Variants in RAPGEF5 observed in about 807,000 individuals in gnomAD.
RAPGEF5 encodes M-Ras-regulated GEF.
In RAPGEF5, 65 loss-of-function variants were observed where a neutral mutation model predicts 125.2. That is an observed-to-expected ratio of 0.52 (90% CI 0.43 to 0.64). The LOEUF (loss-of-function observed/expected upper bound fraction) is 0.64. Ranked by LOEUF, RAPGEF5 falls within the 30% of genes least tolerant of loss-of-function variation. The probability of loss-of-function intolerance (pLI) is 0.00; values close to 1 mark genes in which losing one functional copy is unlikely to be tolerated. For synonymous variants in RAPGEF5, 391 were observed against 385.9 expected (o/e 1.01, Z -0.16); for missense variants, 958 against 1,048.1 (o/e 0.91, Z 1.19).
chr7:22,323,793 A>C (rs1026672548), intron 1 of RAPGEF5, among the ~76,000 whole-genome samples: 1 of 152,220 alleles, frequency 6.6e-6, no homozygotes. Context: ...TAAAATGAAT[A>C]ACCATGAGTC....
At chr7:22,288,916 A>G (rs909614077) in intron 6 of RAPGEF5, among the ~76,000 whole-genome samples, 1 of 152,154 alleles carries the variant, frequency 6.6e-6, no homozygotes, top group Non-Finnish European at 1.5e-5. Context: ...GTTCAAAAAA[A>G]TCTTTCATTT....
chr7:22,322,390 G>A (rs1301671650), intron 1 of RAPGEF5, among the ~76,000 whole-genome samples: 2 of 151,700 alleles, frequency 1.3e-5, no homozygotes, highest in South Asian at 2.1e-4. Flanking sequence ...CAAGCAATCC[G>A]CTCGCCTCAG....
intron 6 of RAPGEF5, among the ~76,000 whole-genome samples, chr7:22,279,902 G>A (rs1358630503): frequency 6.6e-6 from 1 of 152,174 alleles, no homozygotes. Context: ...GGCAGAGAAA[G>A]AGAAAAAAGC....
chr7:22,315,273 T>C (rs1783564102), intron 3 of RAPGEF5, 97 bp downstream of exon 3: 3 of 1,392,962 alleles, frequency 2.2e-6, no homozygotes, highest in South Asian at 1.4e-5. Flanking sequence ...ACTACTGATA[T>C]TGTCCACCTC....
chr7:22,232,314 CTTTT>C (rs5882838), intron 7 of RAPGEF5, among the ~76,000 whole-genome samples: 5 of 139,308 alleles, frequency 3.6e-5, no homozygotes, highest in African/African-American at 5.3e-5. Flanking sequence ...ATTCTGTGTG[CTTTT>C]TTTTTTTTTT....
At chr7:22,345,535 C>G (rs902264295) in intron 1 of RAPGEF5, among the ~76,000 whole-genome samples, 1 of 152,166 alleles carries the variant, frequency 6.6e-6, no homozygotes, top group African/African-American at 2.4e-5. Flanking sequence ...AGACTTTATT[C>G]CAGTTATGAA....
chr7:22,226,402 T>A (rs906165473), intron 8 of RAPGEF5, among the ~76,000 whole-genome samples: 1 of 152,222 alleles, frequency 6.6e-6, no homozygotes, highest in African/African-American at 2.4e-5. Flanking sequence ...ATGCACCTTA[T>A]TTTGAAAACA....
intron 24 of RAPGEF5, among the ~76,000 whole-genome samples, chr7:22,130,193 C>G (rs374535144): frequency 1.3e-5 from 2 of 152,226 alleles, no homozygotes; most frequent in Non-Finnish European, 2.9e-5. Context: ...GGACAGTTTA[C>G]TCTATGACAC....
chr7:22,340,305 A>G (rs1363114771), intron 1 of RAPGEF5, among the ~76,000 whole-genome samples: 1 of 152,204 alleles, frequency 6.6e-6, no homozygotes, highest in Admixed American at 6.5e-5. Flanking sequence ...AGAGGAGAAC[A>G]AGACAACAGG....
chr7:22,319,155 A>T (rs1404207621), intron 1 of RAPGEF5, among the ~76,000 whole-genome samples: 2 of 152,176 alleles, frequency 1.3e-5, no homozygotes, highest in Non-Finnish European at 2.9e-5. Context: ...TTGCAGTATT[A>T]AAAAAAGAAC....
At chr7:22,176,682 C>A (rs1400847214) in intron 11 of RAPGEF5, among the ~76,000 whole-genome samples, 1 of 152,110 alleles carries the variant, frequency 6.6e-6, no homozygotes, top group African/African-American at 2.4e-5. Flanking sequence ...GAGCCCACCA[C>A]CATGCCCGGG....
At chr7:22,247,856 C>T (rs956090694) in intron 7 of RAPGEF5, among the ~76,000 whole-genome samples, 1 of 152,128 alleles carries the variant, frequency 6.6e-6, no homozygotes, top group East Asian at 1.9e-4. Flanking sequence ...CATTATACTA[C>T]GTGAATTAAC....
At chr7:22,150,578 C>T (rs1783596547) in intron 17 of RAPGEF5, 74 bp from the exon 18 acceptor site, 1 of 1,475,354 alleles carries the variant, frequency 6.8e-7, no homozygotes, top group East Asian at 2.5e-5. Flanking sequence ...CTACACAGTA[C>T]ACTTAAAAAG....
chr7:22,197,893 T>TGGTG (rs1554327472), intron 9 of RAPGEF5, among the ~76,000 whole-genome samples: 1 of 116,296 alleles, frequency 8.6e-6, no homozygotes, highest in Non-Finnish European at 1.7e-5. Flanking sequence ...TCTTTTTTTT[T>TGGTG]GGGGGGGGGT....
chr7:22,126,637 G>A (rs1167092513), intron 24 of RAPGEF5, among the ~76,000 whole-genome samples: 4 of 152,086 alleles, frequency 2.6e-5, no homozygotes, highest in African/African-American at 4.8e-5. Context: ...TTTTTGAGAC[G>A]GAGTCTTGCT....
chr7:22,330,631 C>G (rs1783898561), intron 1 of RAPGEF5, among the ~76,000 whole-genome samples: 1 of 152,182 alleles, frequency 6.6e-6, no homozygotes, highest in African/African-American at 2.4e-5. Flanking sequence ...TCTGAATAAT[C>G]AAATCTAACA....
intron 1 of RAPGEF5, among the ~76,000 whole-genome samples, chr7:22,335,916 G>A (rs1391691426): frequency 6.6e-6 from 1 of 152,110 alleles, no homozygotes; most frequent in South Asian, 2.1e-4. Context: ...TTTCTGTATA[G>A]AAAAGACAAC....
rs529909589 is a variant in RAPGEF5 at position 22,125,202 on chromosome 7, G to A, written c.2536+402C>T. ...GCTTTAGGCACTTTTACAAGCTATA[G>A]TCCTATTCCAGGAAGGCTCCACGCA... On this transcript the variant is annotated intron_variant, in intron 25 of 25. Coordinates refer to ENST00000665637, the MANE Select transcript of RAPGEF5 (RefSeq NM_012294.5). 31 of 160,960 alleles carry A rather than the reference G, an allele frequency of 1.9e-4. No homozygotes were observed. In the South Asian group the frequency reaches 5.5e-3, roughly 29 times the overall value. The allele number at this position is 160,960 out of a possible 1,614,324, so 10.0% of individuals were successfully genotyped here.
intron 11 of RAPGEF5, among the ~76,000 whole-genome samples, chr7:22,176,520 T>C (rs533358476): frequency 6.6e-6 from 1 of 152,202 alleles, no homozygotes; most frequent in Admixed American, 6.5e-5. Context: ...TAAGGCTTTT[T>C]GTTTGTTTGT....
Sources: allele counts gnomAD v4.1 joint callset (sites outside exome capture counted in the v4.1 genomes callset), GRCh38; gene constraint gnomAD v4.1.1; transcripts MANE v1.5; gene names NCBI Gene and HGNC (gene_info 2026-07-23, HGNC 2026-07-21).